WWOX: variants seen among roughly 807,000 people sequenced by gnomAD.
WWOX encodes the protein WW domain containing oxidoreductase.
In WWOX, 69 loss-of-function variants were observed where a neutral mutation model predicts 46.2. That is an observed-to-expected ratio of 1.49 (90% CI 1.23 to 1.82). The LOEUF is 1.82. Ranked by LOEUF, WWOX falls within the 40% of genes most tolerant of loss-of-function variation. The pLI is 0.00. For synonymous variants in WWOX, 359 were observed against 202.6 expected, an observed-to-expected ratio of 1.77 and a Z score of -6.56; for missense variants, 919 against 542.6, an observed-to-expected ratio of 1.69 and a Z score of -6.89.
At chr16:78,428,652 C>G (rs563370433) in intron 7 of WWOX, among the ~76,000 whole-genome samples, 3 of 152,130 alleles carry the variant, frequency 2.0e-5, no homozygotes, top group Non-Finnish European at 4.4e-5. Flanking sequence ...CTTAGTGTTC[C>G]CTAGTCATGA....
intron 6 of WWOX, among the ~76,000 whole-genome samples, chr16:78,388,761 G>A (rs574527878): frequency 6.6e-6 from 1 of 151,776 alleles, no homozygotes; most frequent in Admixed American, 6.6e-5. Context: ...CCTGAAGTCA[G>A]GAGTTCGAGA....
At chr16:78,427,565 C>T (rs565812038) in intron 7 of WWOX, among the ~76,000 whole-genome samples, 40 of 151,974 alleles carry the variant, frequency 2.6e-4, no homozygotes, top group African/African-American at 9.4e-4. Context: ...CACGGAGTTT[C>T]TCAGCTTCTG....
chr16:78,968,668 T>G (rs921870619), intron 8 of WWOX, among the ~76,000 whole-genome samples: 1 of 152,226 alleles, frequency 6.6e-6, no homozygotes, highest in Non-Finnish European at 1.5e-5. Context: ...GAGGCTGATA[T>G]CGGGAGAGGC....
chr16:78,984,336 C>A (rs60617787), intron 8 of WWOX, among the ~76,000 whole-genome samples: 1 of 152,132 alleles, frequency 6.6e-6, no homozygotes, highest in Non-Finnish European at 1.5e-5. Flanking sequence ...AAAGCACTCT[C>A]TAGGTCAAGA....
At chr16:78,479,715 G>C (rs981668002) in intron 8 of WWOX, among the ~76,000 whole-genome samples, 1 of 152,190 alleles carries the variant, frequency 6.6e-6, no homozygotes, top group South Asian at 2.1e-4. Context: ...CAAGGGCCAG[G>C]ACACGAAATA....
chr16:78,910,079 T>C (rs1218556746), intron 8 of WWOX, among the ~76,000 whole-genome samples: 1 of 152,246 alleles, frequency 6.6e-6, no homozygotes, highest in East Asian at 1.9e-4. Context: ...ATTATTATCA[T>C]TTTTCATGTG....
At chr16:78,580,565 A>C (rs1317454172) in intron 8 of WWOX, among the ~76,000 whole-genome samples, 1 of 152,268 alleles carries the variant, frequency 6.6e-6, no homozygotes, top group Non-Finnish European at 1.5e-5. Context: ...CAAAAGACAC[A>C]GAAAGGATTT....
At chr16:78,920,041 A>G (rs2045343072) in intron 8 of WWOX, among the ~76,000 whole-genome samples, 1 of 151,712 alleles carries the variant, frequency 6.6e-6, no homozygotes, top group South Asian at 2.1e-4. Context: ...AGCGTAGACT[A>G]GGTTTGCCGC....
chr16:78,481,117 A>G (rs1018619712), intron 8 of WWOX, among the ~76,000 whole-genome samples: 2 of 152,238 alleles, frequency 1.3e-5, no homozygotes, highest in Admixed American at 6.5e-5. Flanking sequence ...ATTTTTAAAG[A>G]TGAACATTGC....
intron 8 of WWOX, chr16:78,526,180 A>G (rs2151505512): frequency 6.6e-6 from 1 of 152,370 alleles, no homozygotes; most frequent in South Asian, 2.1e-4. Flanking sequence ...CAGTTTCACC[A>G]GTAGTGGAGC....
intron 8 of WWOX, among the ~76,000 whole-genome samples, chr16:78,591,754 G>C (rs2045357236): frequency 6.6e-6 from 1 of 152,186 alleles, no homozygotes; most frequent in Non-Finnish European, 1.5e-5. Context: ...GAAGGTGGAG[G>C]CTGGACTGCT....
At chr16:78,928,206 T>TC (rs1226791740) in intron 8 of WWOX, among the ~76,000 whole-genome samples, 1 of 149,298 alleles carries the variant, frequency 6.7e-6, no homozygotes, top group Non-Finnish European at 1.5e-5. Flanking sequence ...CACTTTTCTT[T>TC]TTTTTTTTTT....
chr16:78,487,417 C>T (rs369926319), intron 8 of WWOX, among the ~76,000 whole-genome samples: 1 of 152,124 alleles, frequency 6.6e-6, no homozygotes, highest in East Asian at 1.9e-4. Context: ...AAGGATGAGT[C>T]CACAAGTTTG....
At chr16:78,150,357 C>A (rs774871159) in intron 4 of WWOX, among the ~76,000 whole-genome samples, 1 of 152,114 alleles carries the variant, frequency 6.6e-6, no homozygotes, top group Non-Finnish European at 1.5e-5. Flanking sequence ...CTCTCCAAAC[C>A]CTATCGTTTA....
At chr16:78,219,511 G>A (rs1331476779) in intron 5 of WWOX, among the ~76,000 whole-genome samples, 5 of 152,098 alleles carry the variant, frequency 3.3e-5, no homozygotes, top group Non-Finnish European at 7.4e-5. Flanking sequence ...AATGTAACAT[G>A]ACTTTAAATT....
chr16:79,173,181 G>A (rs1016506293), intron 8 of WWOX, among the ~76,000 whole-genome samples: 14 of 152,228 alleles, frequency 9.2e-5, no homozygotes, highest in African/African-American at 2.2e-4. Context: ...AGGCATCTAC[G>A]TCACTGCAGA....
At chr16:78,651,176 A>C (rs2046957783) in intron 8 of WWOX, among the ~76,000 whole-genome samples, 2 of 152,226 alleles carry the variant, frequency 1.3e-5, no homozygotes, top group African/African-American at 4.8e-5. Context: ...TTTAAGCATC[A>C]AAGTAGCACC....
At chr16:78,467,276 T>G (rs16947609) in intron 8 of WWOX, among the ~76,000 whole-genome samples, 3,948 of 152,298 alleles carry the variant, frequency 0.026, 191 homozygotes, top group African/African-American at 0.092. Flanking sequence ...GATATGCATG[T>G]ATGTGTATGT....
intron 8 of WWOX, among the ~76,000 whole-genome samples, chr16:78,700,147 G>A (rs9931161): frequency 2.2e-3 from 331 of 152,026 alleles, no homozygotes; most frequent in African/African-American, 7.1e-3. Context: ...AGTCCAGGCT[G>A]CTATAACAGA....
Sources: allele counts gnomAD v4.1 joint callset (sites outside exome capture counted in the v4.1 genomes callset), GRCh38; gene constraint gnomAD v4.1.1; transcripts MANE v1.5; gene names NCBI Gene and HGNC (gene_info 2026-07-23, HGNC 2026-07-21).